FAM168B: variants seen among roughly 807,000 people sequenced by gnomAD.
FAM168B encodes the protein family with sequence similarity 168 member B.
Under a neutral mutation model 21.8 loss-of-function variants are expected in FAM168B, and 19 were observed. The observed-to-expected ratio is 0.87, with a 90% CI of 0.61 to 1.28. The LOEUF is 1.28. FAM168B is among the 50% of genes most tolerant of loss of function. The pLI is 0.00. For synonymous variants in FAM168B, 126 were observed against 104.8 expected, an observed-to-expected ratio of 1.20 and a Z score of -1.24; for missense variants, 233 against 263.1, an observed-to-expected ratio of 0.89 and a Z score of 0.79.
chr2:131,050,278 G>A lies in FAM168B; in HGVS notation c.*2187C>T. 2 of 985,410 alleles carry A rather than the reference G, an allele frequency of 2.0e-6. No homozygotes were observed. The highest frequency in any genetic ancestry group is 2.4e-6 in the Non-Finnish European group (2 of 829,920). The allele number at this position is 985,410 out of a possible 1,614,324, so 61.0% of individuals were successfully genotyped here. On this transcript the variant is annotated 3_prime_UTR_variant, in exon 7 of 7. Transcript: ENST00000389915. ...TGTACATGTATGTTTCCATTTTGTT[G>A]TGTGGGGCTTTTTAAAAGCATACAC...
rs1693955874 is a variant in FAM168B, at chr2:131,090,556, A to C, written c.-12+2658T>G. 2.0e-5 allele frequency among the ~76,000 whole-genome samples: 3 copies of C among 152,142 alleles called. No individual in the cohort carries two copies. In the South Asian group the frequency reaches 6.2e-4, roughly 31 times the overall value. On this transcript the variant is annotated intron_variant, in intron 1 of 6. Coordinates refer to ENST00000389915, the MANE Select transcript of FAM168B (RefSeq NM_001009993.4). ...AGAAAAATCAACATTGGAAATTCTC[A>C]GTAATGTCTGGCAACATCAACAAGA... is the stretch of plus-strand genomic sequence containing the variant.
Position 131,050,151 on chromosome 2 carries a change from T to C in FAM168B, c.*2314A>G. 1 of 985,474 alleles carries C rather than the reference T, an allele frequency of 1.0e-6. No individual in the cohort carries two copies. The highest frequency in any genetic ancestry group is 1.2e-6 in the Non-Finnish European group (1 of 829,938). 61.0% of individuals were successfully genotyped at this position (985,474 alleles called of 1,614,324 possible). On this transcript the variant is annotated 3_prime_UTR_variant, in exon 7 of 7. Coordinates refer to ENST00000389915, the MANE Select transcript of FAM168B (RefSeq NM_001009993.4). ...CGTGTGGGGGGTGCAGCCCACTCTT[T>C]AAAACACCATCCTGTGTGTGCCAAG... is the stretch of plus-strand genomic sequence containing the variant.
chr2:131,076,706 C>T (rs145112956), intron 2 of FAM168B, among the ~76,000 whole-genome samples: 4 of 146,196 alleles, frequency 2.7e-5, no homozygotes, highest in African/African-American at 1.0e-4. Flanking sequence ...AGCTTCAGAA[C>T]AGCAAAAAAT....
At chr2:131,064,538 A>T (rs1346241374) in intron 3 of FAM168B, among the ~76,000 whole-genome samples, 8 of 152,202 alleles carry the variant, frequency 5.3e-5, no homozygotes, top group Non-Finnish European at 1.2e-4. Context: ...CTGGGGGGAA[A>T]TAACTGCTCT....
At chr2:131,092,749 C>G (rs938373141) in intron 1 of FAM168B, among the ~76,000 whole-genome samples, 2 of 152,090 alleles carry the variant, frequency 1.3e-5, no homozygotes, top group Admixed American at 1.3e-4. Flanking sequence ...TCTTAAAAAT[C>G]TGTAATTTAA....
chr2:131,084,572 C>A (rs1693588641), intron 1 of FAM168B, among the ~76,000 whole-genome samples: 1 of 151,846 alleles, frequency 6.6e-6, no homozygotes, highest in Non-Finnish European at 1.5e-5. Context: ...CAGCCCAGCA[C>A]CTCTATGAAT....
chr2:131,082,639 G>A lies in FAM168B; in HGVS notation c.8C>T (p.Pro3Leu), dbSNP rs1693478334. 6.2e-7 allele frequency: 1 copy of A among 1,600,700 alleles called. No homozygotes were observed. The highest frequency in any genetic ancestry group is 8.5e-7 in the Non-Finnish European group (1 of 1,175,638). Reference sequence around the variant, plus strand: ...CCCAGAAGATCCAGGACTATAAACAGGATTCATGATTTCAAAAACTAAAAG... The same window carrying A: ...CCCAGAAGATCCAGGACTATAAACAAGATTCATGATTTCAAAAACTAAAAG... MN[P>L]VYSPGSSGVP... The change falls in exon 2 of 7, where the codon CCT (proline) becomes CTT (leucine). Residue 3 changes from proline to leucine, a missense_variant. By Grantham distance (98) the Pro-to-Leu change is moderately conservative (BLOSUM62 -3). Coordinates refer to ENST00000389915, the MANE Select transcript of FAM168B (RefSeq NM_001009993.4).
chr2:131,072,930 T>C (rs1692946349), intron 2 of FAM168B, among the ~76,000 whole-genome samples: 1 of 152,214 alleles, frequency 6.6e-6, no homozygotes, highest in Admixed American at 6.5e-5. Flanking sequence ...CAAGGGCCTA[T>C]TTTTGCTGCT....
intron 3 of FAM168B, among the ~76,000 whole-genome samples, chr2:131,070,621 T>A (rs753544762): frequency 6.6e-6 from 1 of 152,250 alleles, no homozygotes; most frequent in Non-Finnish European, 1.5e-5. Flanking sequence ...AGCATTTTCA[T>A]TTGTAATAGC....
rs191714202 is a variant in FAM168B, at chr2:131,074,628, A to T, written c.71-2690T>A. Among the ~76,000 whole-genome samples, 23 of 152,308 alleles carry T rather than the reference A, an allele frequency of 1.5e-4. 1 individual carries two copies. Among genetic ancestry groups the T allele is most frequent in the Admixed American group, 1.2e-3 (18 of 15,300 alleles). ...CCTGGAGAAAGGTGTCTCTTACAGC[A>T]CTTGGACTGGGATTTTTAAGGTGTT... On this transcript the variant is annotated intron_variant, in intron 2 of 6. Coordinates refer to ENST00000389915, the MANE Select transcript of FAM168B (RefSeq NM_001009993.4).
At chr2:131,088,857 T>C (rs1201332472) in intron 1 of FAM168B, among the ~76,000 whole-genome samples, 1 of 152,028 alleles carries the variant, frequency 6.6e-6, no homozygotes, top group African/African-American at 2.4e-5. Context: ...ATCACCAATC[T>C]ACCTGAAATG....
intron 2 of FAM168B, among the ~76,000 whole-genome samples, chr2:131,072,220 T>C (rs1692909224): frequency 6.6e-6 from 1 of 151,626 alleles, no homozygotes; most frequent in African/African-American, 2.4e-5. Flanking sequence ...GCCTCCCAGG[T>C]TCAAGCGATT....
chr2:131,092,143 C>CAA (rs992051589), intron 1 of FAM168B, among the ~76,000 whole-genome samples: 53 of 79,044 alleles, frequency 6.7e-4, no homozygotes, highest in African/African-American at 2.2e-3. Flanking sequence ...GACTCCGTCT[C>CAA]AAAAAAAAAA....
rs925641895 is a variant in FAM168B, at chr2:131,064,235, A to AT, written c.154+7619dup. Among the ~76,000 whole-genome samples, 406 of 149,296 alleles carry AT rather than the reference A, an allele frequency of 2.7e-3. 3 individuals are homozygous for AT. Among genetic ancestry groups the AT allele is most frequent in the Non-Finnish European group, 4.3e-3 (286 of 67,158 alleles). ...CAGAAACTTTTTATTTAAATAGGTC[A>AT]TTTTTTTTTTCAAAAGTACTGTGTA... On this transcript the variant is annotated intron_variant, in intron 3 of 6. Coordinates refer to ENST00000389915, the MANE Select transcript of FAM168B (RefSeq NM_001009993.4).
intron 3 of FAM168B, among the ~76,000 whole-genome samples, chr2:131,069,784 C>T (rs190902648): frequency 2.8e-4 from 42 of 151,884 alleles, no homozygotes; most frequent in East Asian, 7.8e-4. Context: ...TGAGCCACTG[C>T]GCCCAGCCAA....
Position 131,048,208 on chromosome 2 carries a change from A to C in FAM168B, c.*4257T>G. On this transcript the variant is annotated 3_prime_UTR_variant, in exon 7 of 7. Coordinates refer to ENST00000389915, the MANE Select transcript of FAM168B (RefSeq NM_001009993.4). ...AACAAAAAGGAACCGTTTCTTCTTT[A>C]GTTACAATCCATGAGGCTCTCTAGG... is the stretch of plus-strand genomic sequence containing the variant. The C allele has an allele frequency of 7.9e-7, 1 of 1,266,030 alleles. No homozygotes were observed. Among genetic ancestry groups the C allele is most frequent in the Non-Finnish European group, 1.0e-6 (1 of 966,508 alleles). 78.4% of individuals were successfully genotyped at this position (1,266,030 alleles called of 1,614,324 possible).
Position 131,052,301 on chromosome 2 carries a change from ACTAACGGCG to A in FAM168B, c.*155_*163del. On this transcript the variant is annotated 3_prime_UTR_variant, in exon 7 of 7. Coordinates refer to ENST00000389915, the MANE Select transcript of FAM168B (RefSeq NM_001009993.4). ...GACCAACCCACAGAGTCAGCTGGAGACTAACGGCGCTGGGGCCTGCTGGGCCGGGATATA... is the reference window on the plus strand; with the variant it reads ...GACCAACCCACAGAGTCAGCTGGAGACTGGGGCCTGCTGGGCCGGGATATA... The A allele has an allele frequency of 2.0e-6, 2 of 985,970 alleles. No individual in the cohort carries two copies. Among genetic ancestry groups the A allele is most frequent in the Non-Finnish European group, 2.4e-6 (2 of 830,004 alleles). The allele number at this position is 985,970 out of a possible 1,614,324, so 61.1% of individuals were successfully genotyped here. A position where few individuals can be genotyped will look rare whatever the true frequency, so the allele number is the denominator to read the frequency against.
Position 131,051,675 on chromosome 2 carries a change from A to G in FAM168B, c.*790T>C, listed in dbSNP as rs1691685330. 23 of 985,216 alleles carry G rather than the reference A, an allele frequency of 2.3e-5. No individual in the cohort carries two copies. The highest frequency in any genetic ancestry group is 2.8e-5 in the Non-Finnish European group (23 of 829,922). The allele number at this position is 985,216 out of a possible 1,614,324, so 61.0% of individuals were successfully genotyped here. On this transcript the variant is annotated 3_prime_UTR_variant, in exon 7 of 7. Transcript: ENST00000389915. ...GAACTGTAATGAAAATTTAGATAGCAGAGAAACTGCTTTGCTGACACATAA... is the reference window on the plus strand; with the variant it reads ...GAACTGTAATGAAAATTTAGATAGCGGAGAAACTGCTTTGCTGACACATAA...
At chr2:131,054,302 AT>A (rs1691878047) in intron 5 of FAM168B, among the ~76,000 whole-genome samples, 1 of 151,830 alleles carries the variant, frequency 6.6e-6, no homozygotes, top group Non-Finnish European at 1.5e-5. Flanking sequence ...AGAGAAATCT[AT>A]TTTTCCTACA....
Sources: gnomAD v4.1 joint callset for allele counts (sites outside exome capture counted in the v4.1 genomes callset) on GRCh38, gnomAD v4.1.1 for gene constraint, MANE v1.5 for transcripts, NCBI Gene and HGNC (gene_info 2026-07-23, HGNC 2026-07-21) for gene names.